Variants in DCC observed in about 807,000 individuals in gnomAD.
The protein encoded by DCC is netrin receptor DCC.
Under a neutral mutation model 172.5 loss-of-function variants are expected in DCC, and 58 were observed. The observed-to-expected ratio is 0.34, with a 90% CI of 0.27 to 0.42. The LOEUF is 0.42. DCC is among the 10% of genes least tolerant of loss of function. The pLI, the probability that DCC is intolerant of heterozygous loss-of-function variation, is 1.00. For missense variants in DCC, 1,740 were observed against 1,791.0 expected (o/e 0.97, Z 0.51); for synonymous variants, 709 against 644.5 (o/e 1.10, Z -1.52).
At chr18:52,881,295 A>C (rs115491279) in intron 2 of DCC, among the ~76,000 whole-genome samples, 1 of 151,802 alleles carries the variant, frequency 6.6e-6, no homozygotes, top group South Asian at 2.1e-4. Flanking sequence ...TTTTCTTCCA[A>C]TCTGTGGGTT....
At chr18:52,885,267 G>A (rs150607092) in intron 2 of DCC, among the ~76,000 whole-genome samples, 165 of 152,166 alleles carry the variant, frequency 1.1e-3, no homozygotes, top group African/African-American at 3.8e-3. Context: ...TCAGGCCCTG[G>A]GTAGGTCCAG....
At chr18:53,127,696 T>C (rs1432829983) in intron 7 of DCC, among the ~76,000 whole-genome samples, 3 of 152,158 alleles carry the variant, frequency 2.0e-5, no homozygotes, top group Non-Finnish European at 4.4e-5. Context: ...TTCTTCAAAG[T>C]AGTTACTTTG....
intron 12 of DCC, among the ~76,000 whole-genome samples, chr18:53,282,823 C>T (rs1331117641): frequency 1.3e-5 from 2 of 152,090 alleles, no homozygotes; most frequent in Admixed American, 6.6e-5. Context: ...GTGAAAAAGA[C>T]TTCTAATTAA....
At chr18:53,417,812 T>G (rs1910407912) in intron 21 of DCC, among the ~76,000 whole-genome samples, 1 of 152,212 alleles carries the variant, frequency 6.6e-6, no homozygotes, top group Non-Finnish European at 1.5e-5. Context: ...TTTCTTTTGT[T>G]AATTGCTTTT....
At chr18:53,465,913 T>G (rs2045614687) in intron 24 of DCC, among the ~76,000 whole-genome samples, 2 of 151,802 alleles carry the variant, frequency 1.3e-5, no homozygotes, top group South Asian at 4.2e-4. Flanking sequence ...TACAGGCATA[T>G]GCCACCACTC....
At chr18:52,384,012 T>C (rs1189392397) in intron 1 of DCC, among the ~76,000 whole-genome samples, 2 of 151,380 alleles carry the variant, frequency 1.3e-5, no homozygotes, top group Non-Finnish European at 3.0e-5. Flanking sequence ...ATTTTCTTAC[T>C]TAAAATTTTG....
rs1285534461 is a variant in DCC, at chr18:52,982,003, T to C, written c.985+56633T>C. On this transcript the variant is annotated intron_variant, in intron 5 of 28. Transcript: ENST00000442544. ...AAGAGTTAGAGATGGGAAATTTTAT[T>C]TGGAGGACAGAGGTTAGAACAGAAG... Among the ~76,000 whole-genome samples, 4 of 152,008 alleles carry C rather than the reference T, an allele frequency of 2.6e-5. No individual in the cohort carries two copies. The East Asian group carries it at 7.7e-4, about 29-fold the overall frequency.
chr18:52,408,651 AG>A (rs1362093083), intron 1 of DCC, among the ~76,000 whole-genome samples: 2 of 152,142 alleles, frequency 1.3e-5, no homozygotes, highest in Admixed American at 6.6e-5. Context: ...ATTCCTCTGA[AG>A]CATCAAGCAT....
intron 22 of DCC, among the ~76,000 whole-genome samples, chr18:53,448,044 T>C (rs1307719253): frequency 7.0e-6 from 1 of 143,872 alleles, no homozygotes; most frequent in African/African-American, 2.6e-5. Context: ...TAAATTTTGA[T>C]GAGTTTTTTT....
At chr18:53,020,210 C>A (rs1389964778) in intron 5 of DCC, among the ~76,000 whole-genome samples, 8 of 152,068 alleles carry the variant, frequency 5.3e-5, no homozygotes, top group East Asian at 1.9e-4. Context: ...ATAAAAAAAA[C>A]CCAAATGTTT....
intron 9 of DCC, among the ~76,000 whole-genome samples, chr18:53,192,694 G>T (rs980565816): frequency 1.3e-5 from 2 of 152,218 alleles, no homozygotes; most frequent in African/African-American, 4.8e-5. Flanking sequence ...TAAATTAAAA[G>T]AAGAGAAGAT....
intron 12 of DCC, among the ~76,000 whole-genome samples, chr18:53,222,383 CTTTTT>C (rs67373546): frequency 5.8e-5 from 6 of 104,212 alleles, no homozygotes; most frequent in Admixed American, 2.4e-4. Flanking sequence ...TTTCTTTTTT[CTTTTT>C]TTTTTTTTTT....
At position 52,962,518 on chromosome 18, in the gene DCC, T is replaced by G. The variant is rs566834095; in HGVS notation, c.985+37148T>G. ...TTACACTGTTGGTGGGACTGTAAACTAGTTCAACCAATGTGGAATTCAGTG... is the reference window on the plus strand; with the variant it reads ...TTACACTGTTGGTGGGACTGTAAACGAGTTCAACCAATGTGGAATTCAGTG... On this transcript the variant is annotated intron_variant, in intron 5 of 28. Coordinates refer to ENST00000442544, the MANE Select transcript of DCC (RefSeq NM_005215.4). 4.6e-5 allele frequency among the ~76,000 whole-genome samples: 7 copies of G among 152,060 alleles called. No individual in the cohort carries two copies. In the East Asian group the frequency reaches 7.7e-4, roughly 17 times the overall value.
At chr18:52,417,941 G>A (rs1385737168) in intron 1 of DCC, among the ~76,000 whole-genome samples, 1 of 152,322 alleles carries the variant, frequency 6.6e-6, no homozygotes, top group African/African-American at 2.4e-5. Context: ...GCGAGAAGAA[G>A]CAGCAGGACC....
At chr18:52,524,754 C>T (rs62081334) in intron 1 of DCC, among the ~76,000 whole-genome samples, 8,842 of 152,066 alleles carry the variant, frequency 0.058, 334 homozygotes, top group Middle Eastern at 0.11. Flanking sequence ...TTTGCAGGTG[C>T]GCCTTGCTGG....
intron 2 of DCC, among the ~76,000 whole-genome samples, chr18:52,834,028 A>T (rs941020685): frequency 6.6e-6 from 1 of 152,108 alleles, no homozygotes; most frequent in Admixed American, 6.6e-5. Flanking sequence ...GTGCTTGGGT[A>T]CATACACAGC....
chr18:52,494,457 A>G (rs1287341026), intron 1 of DCC, among the ~76,000 whole-genome samples: 1 of 151,900 alleles, frequency 6.6e-6, no homozygotes, highest in East Asian at 1.9e-4. Flanking sequence ...TAGTATTCCA[A>G]TTACCTGTAT....
At chr18:53,351,320 GTA>G (rs201328758) in intron 15 of DCC, among the ~76,000 whole-genome samples, 5 of 29,632 alleles carry the variant, frequency 1.7e-4, no homozygotes, top group Admixed American at 1.0e-3. Flanking sequence ...TATATACACT[GTA>G]TATATATATA....
At chr18:53,334,226 T>C (rs1203059628) in intron 14 of DCC, among the ~76,000 whole-genome samples, 1 of 152,160 alleles carries the variant, frequency 6.6e-6, no homozygotes, top group Admixed American at 6.6e-5. Flanking sequence ...AATAGAGTGA[T>C]CTTTCAGTAA....
Sources: allele counts gnomAD v4.1 joint callset (sites outside exome capture counted in the v4.1 genomes callset), GRCh38; gene constraint gnomAD v4.1.1; transcripts MANE v1.5; gene names NCBI Gene and HGNC (gene_info 2026-07-23, HGNC 2026-07-21).